Variants in DNM3 observed in about 807,000 individuals in gnomAD.
The protein encoded by DNM3 is dynamin 3, also known as dynamin-3.
In DNM3, 47 loss-of-function variants were observed where a neutral mutation model predicts 101.6. The observed-to-expected ratio is 0.46, with a 90% confidence interval of 0.37 to 0.59. The LOEUF is 0.59. Among genes scored for constraint, DNM3 ranks in the 20% least tolerant of loss-of-function variants. DNM3 has a pLI of 0.00. For synonymous variants in DNM3, 385 were observed against 387.9 expected, an observed-to-expected ratio of 0.99 and a Z score of 0.09; for missense variants, 849 against 1,085.7, an observed-to-expected ratio of 0.78 and a Z score of 3.06.
intron 1 of DNM3, among the ~76,000 whole-genome samples, chr1:171,855,419 G>A (rs2125016592): frequency 6.6e-6 from 1 of 152,238 alleles, no homozygotes; most frequent in East Asian, 1.9e-4. Flanking sequence ...GGATTGAATG[G>A]TACTTCTGCT....
At chr1:172,093,824 C>T in intron 13 of DNM3, 1 of 1,225,714 alleles carries the variant, frequency 8.2e-7, no homozygotes, top group Non-Finnish European at 1.1e-6. Flanking sequence ...GCGCTTGCTA[C>T]TAATTTTTTT....
rs554023846 is a variant in DNM3 at position 171,925,210 on chromosome 1, C to CT, written c.235+3396dup. On this transcript the variant is annotated intron_variant, in intron 2 of 20. Transcript: ENST00000627582. ...GCCACCATGCCCGGCCCTTTGCCCA[C>CT]TTTTTTTAAATTCTTTTTATTTTAT... 8.6e-4 allele frequency among the ~76,000 whole-genome samples: 130 copies of CT among 151,564 alleles called. 1 individual carries two copies. Among genetic ancestry groups the CT allele is most frequent in the South Asian group, 7.1e-3 (34 of 4,770 alleles).
At chr1:172,264,204 T>C (rs2062774423) in intron 15 of DNM3, among the ~76,000 whole-genome samples, 1 of 152,220 alleles carries the variant, frequency 6.6e-6, no homozygotes, top group Admixed American at 6.5e-5. Context: ...TTTAATCTGT[T>C]GCTAGTCTCT....
Position 172,411,720 on chromosome 1 carries a change from G to A in DNM3, c.*3879G>A. 3 of 985,236 alleles carry A rather than the reference G, an allele frequency of 3.0e-6. No individual in the cohort carries two copies. Among genetic ancestry groups the A allele is most frequent in the Non-Finnish European group, 2.4e-6 (2 of 829,794 alleles). 61.0% of individuals were successfully genotyped at this position (985,236 alleles called of 1,614,324 possible). Reference sequence around the variant, plus strand: ...AAAGTGACAGGAATCTCCTCAGAATGAAGAATAAAGCCTACTAGGTCTCTA... The same window carrying A: ...AAAGTGACAGGAATCTCCTCAGAATAAAGAATAAAGCCTACTAGGTCTCTA... On this transcript the variant is annotated 3_prime_UTR_variant, in exon 21 of 21. Coordinates refer to ENST00000627582, the MANE Select transcript of DNM3 (RefSeq NM_015569.5).
At chr1:172,382,341 A>T (rs1477846597) in intron 18 of DNM3, among the ~76,000 whole-genome samples, 1 of 152,172 alleles carries the variant, frequency 6.6e-6, no homozygotes, top group African/African-American at 2.4e-5. Flanking sequence ...TCACCCCACC[A>T]GAAGTTCTCC....
At chr1:171,914,668 T>C (rs577248593) in intron 1 of DNM3, among the ~76,000 whole-genome samples, 2 of 152,206 alleles carry the variant, frequency 1.3e-5, no homozygotes, top group Non-Finnish European at 2.9e-5. Context: ...AAATTACTGG[T>C]GAGTTGAGAG....
rs553113544 is a variant in DNM3 at position 172,068,285 on chromosome 1, G to A, written c.1336-534G>A. Among the ~76,000 whole-genome samples the A allele has an allele frequency of 3.5e-3, 537 of 152,128 alleles. 2 individuals are homozygous for A. Among genetic ancestry groups the A allele is most frequent in the Non-Finnish European group, 5.5e-3 (375 of 68,000 alleles). On this transcript the variant is annotated intron_variant, in intron 10 of 20. Coordinates refer to ENST00000627582, the MANE Select transcript of DNM3 (RefSeq NM_015569.5). ...AGAGGTTGCAGTGAGCTGAGATTGCGCCATTGCACTCCAGCCTGGGTGACA... is the reference window on the plus strand; with the variant it reads ...AGAGGTTGCAGTGAGCTGAGATTGCACCATTGCACTCCAGCCTGGGTGACA...
At chr1:172,018,994 T>A (rs1572107567) in intron 4 of DNM3, among the ~76,000 whole-genome samples, 1 of 109,260 alleles carries the variant, frequency 9.2e-6, no homozygotes, top group Non-Finnish European at 1.8e-5. Context: ...CTTCCTTCCC[T>A]CCCTCCTTCC....
chr1:172,081,989 C>A, intron 12 of DNM3, 87 bp downstream of exon 12: 1 of 1,341,162 alleles, frequency 7.5e-7, no homozygotes, highest in Non-Finnish European at 1.1e-6. Flanking sequence ...AGTTTCACCA[C>A]CTTTGAGAAT....
intron 13 of DNM3, among the ~76,000 whole-genome samples, chr1:172,122,172 G>A (rs2056363252): frequency 1.3e-5 from 2 of 152,096 alleles, no homozygotes; most frequent in African/African-American, 2.4e-5. Flanking sequence ...ACAGGGAAAT[G>A]GAAGGAGGAA....
chr1:172,047,592 T>G (rs16843740), intron 9 of DNM3, among the ~76,000 whole-genome samples: 2,181 of 152,242 alleles, frequency 0.014, 48 homozygotes, highest in African/African-American at 0.048. Flanking sequence ...AATATTGTAC[T>G]AAACAGTTTG....
intron 12 of DNM3, among the ~76,000 whole-genome samples, chr1:172,083,857 A>C (rs1189823228): frequency 6.6e-6 from 1 of 152,126 alleles, no homozygotes; most frequent in Non-Finnish European, 1.5e-5. Context: ...TTTCAAACAC[A>C]ATCTTTTGAC....
chr1:171,937,480 G>C (rs1571715453), intron 2 of DNM3, among the ~76,000 whole-genome samples: 1 of 152,254 alleles, frequency 6.6e-6, no homozygotes, highest in East Asian at 1.9e-4. Flanking sequence ...GATACACTGG[G>C]TGGGCTTCTT....
chr1:172,354,313 C>A (rs7538901), intron 17 of DNM3, among the ~76,000 whole-genome samples: 8 of 152,038 alleles, frequency 5.3e-5, no homozygotes, highest in African/African-American at 7.2e-5. Flanking sequence ...GGAAAAAATT[C>A]TCAGCAAAGT....
intron 10 of DNM3, among the ~76,000 whole-genome samples, chr1:172,054,006 TGGAGTAATA>T (rs2050392435): frequency 1.3e-5 from 2 of 152,190 alleles, no homozygotes; most frequent in South Asian, 4.1e-4. Flanking sequence ...ATACTTTCAC[TGGAGTAATA>T]GGAGTAAACA....
At chr1:172,141,068 A>G (rs1431479755) in intron 14 of DNM3, among the ~76,000 whole-genome samples, 1 of 152,012 alleles carries the variant, frequency 6.6e-6, no homozygotes, top group Non-Finnish European at 1.5e-5. Context: ...ATGTAAGAAA[A>G]GAATTGTCTT....
Position 172,409,478 on chromosome 1 carries a change from A to T in DNM3, c.*1637A>T. On this transcript the variant is annotated 3_prime_UTR_variant, in exon 21 of 21. Coordinates refer to ENST00000627582, the MANE Select transcript of DNM3 (RefSeq NM_015569.5). ...GCTAACCCATTTATAATTGGTAAAA[A>T]TCAGAAAATACAAGATTTACATAAA... 2.0e-6 allele frequency: 2 copies of T among 984,482 alleles called. No individual in the cohort carries two copies. The highest frequency in any genetic ancestry group is 2.4e-6 in the Non-Finnish European group (2 of 829,080). The allele number at this position is 984,482 out of a possible 1,614,324, so 61.0% of individuals were successfully genotyped here.
chr1:172,112,343 C>G (rs1265144988), intron 13 of DNM3, among the ~76,000 whole-genome samples: 3 of 152,242 alleles, frequency 2.0e-5, no homozygotes, highest in Non-Finnish European at 4.4e-5. Context: ...TGTGGTAGAG[C>G]TAGGATTTAA....
At chr1:171,997,945 C>T (rs1194172669) in intron 4 of DNM3, among the ~76,000 whole-genome samples, 2 of 152,068 alleles carry the variant, frequency 1.3e-5, no homozygotes, top group African/African-American at 4.8e-5. Context: ...TATATTAATT[C>T]AAGTGAAATG....
Sources: allele counts gnomAD v4.1 joint callset (sites outside exome capture counted in the v4.1 genomes callset), GRCh38; gene constraint gnomAD v4.1.1; transcripts MANE v1.5; gene names NCBI Gene and HGNC (gene_info 2026-07-23, HGNC 2026-07-21).